The following ZNF627 variants were observed in gnomAD, a reference collection of about 807,000 sequenced individuals.
ZNF627 encodes the protein zinc finger protein 627.
A neutral mutation model predicts 10.6 loss-of-function variants in ZNF627; 12 were observed. That is an observed-to-expected ratio of 1.13 (90% CI 0.73 to 1.84). The LOEUF (loss-of-function observed/expected upper bound fraction) is 1.84. Among genes scored for constraint, ZNF627 ranks in the 40% most tolerant of loss-of-function variants. ZNF627 has a pLI of 0.00. For missense variants in ZNF627, 504 were observed against 568.4 expected, an observed-to-expected ratio of 0.89 and a Z score of 1.15; for synonymous variants, 176 against 187.1, an observed-to-expected ratio of 0.94 and a Z score of 0.48.
At chr19:11,607,700 C>A (rs1307071745) in intron 1 of ZNF627, among the ~76,000 whole-genome samples, 1 of 152,164 alleles carries the variant, frequency 6.6e-6, no homozygotes, top group Non-Finnish European at 1.5e-5. Context: ...ACTTTATTGT[C>A]CATATCACTA....
intron 1 of ZNF627, among the ~76,000 whole-genome samples, chr19:11,598,119 G>A (rs1973524420): frequency 6.6e-6 from 1 of 152,190 alleles, no homozygotes; most frequent in African/African-American, 2.4e-5. Context: ...TGACAGTTAT[G>A]CAGTCGCCTT....
chr19:11,599,400 A>G (rs759588651), intron 1 of ZNF627, among the ~76,000 whole-genome samples: 13 of 152,204 alleles, frequency 8.5e-5, no homozygotes, highest in Non-Finnish European at 2.9e-5. Context: ...AAAAACAGAT[A>G]TGATTCTTGC....
chr19:11,606,229 C>T (rs1231877281), intron 1 of ZNF627, among the ~76,000 whole-genome samples: 29 of 151,664 alleles, frequency 1.9e-4, no homozygotes, highest in Non-Finnish European at 2.8e-4. Context: ...CCCAGCTACT[C>T]GGGAGGCTGA....
Position 11,612,823 on chromosome 19 carries a change from A to G in ZNF627, c.4-1704A>G, listed in dbSNP as rs536154858. ...GGGAGTACCTGTGCAAGTTTGTTAC[A>G]TGGGTAAATTGCGTGTTACTGGGGG... On this transcript the variant is annotated intron_variant, in intron 1 of 3. Transcript: ENST00000361113. Among the ~76,000 whole-genome samples the G allele has an allele frequency of 5.4e-4, 81 of 151,052 alleles. 1 individual carries two copies. Among genetic ancestry groups the G allele is most frequent in the African/African-American group, 1.8e-3 (74 of 41,054 alleles).
Position 11,616,722 on chromosome 19 carries a change from T to C in ZNF627, c.219T>C (p.Ser73=). ...ISHIPERLCE[S]KEGGQGEETF... ...ATATTCCAGAGAGACTCTGTGAAAG[T>C]AAAGAAGGTGGTCAAGGTGAAGAAA... The change falls in exon 4 of 4, where the codon AGT becomes AGC. Residue 73 remains serine, a synonymous_variant. Coordinates refer to ENST00000361113, the MANE Select transcript of ZNF627 (RefSeq NM_145295.4). 6.3e-7 allele frequency: 1 copy of C among 1,598,928 alleles called. No individual in the cohort carries two copies. Among genetic ancestry groups the C allele is most frequent in the South Asian group, 1.1e-5 (1 of 89,056 alleles).
At position 11,609,471 on chromosome 19, in the gene ZNF627, TTA is replaced by T. The variant is rs1168205815; in HGVS notation, c.4-5010_4-5009del. Among the ~76,000 whole-genome samples, 419 of 53,804 alleles carry T rather than the reference TTA, an allele frequency of 7.8e-3. 4 individuals carry two copies. The highest frequency in any genetic ancestry group is 0.02 in the South Asian group (19 of 960). 35.3% of individuals were successfully genotyped at this position (53,804 alleles called of 152,430 possible). On this transcript the variant is annotated intron_variant, in intron 1 of 3. Transcript: ENST00000361113. The stretch of plus-strand genomic sequence containing the variant: ...TTCCTGGGTAGTCTTTTAAAAAATT[TTA>T]TATATATATATATATATATATATAT...
intron 1 of ZNF627, among the ~76,000 whole-genome samples, chr19:11,607,730 T>C (rs1025085982): frequency 1.3e-5 from 2 of 152,202 alleles, no homozygotes; most frequent in Non-Finnish European, 2.9e-5. Context: ...TGGTCAGAGC[T>C]ATCCAAGGAG....
At chr19:11,613,312 G>T (rs1349159432) in intron 1 of ZNF627, among the ~76,000 whole-genome samples, 2 of 144,960 alleles carry the variant, frequency 1.4e-5, no homozygotes, top group Non-Finnish European at 3.0e-5. Flanking sequence ...TCCCTGGCCT[G>T]AAGGTGGTAT....
chr19:11,606,115 G>A (rs1973669443), intron 1 of ZNF627, among the ~76,000 whole-genome samples: 1 of 152,114 alleles, frequency 6.6e-6, no homozygotes, highest in South Asian at 2.1e-4. Context: ...GCCGAGGCAA[G>A]CGGATCATGA....
chr19:11,617,638 C>T lies in ZNF627; in HGVS notation c.1135C>T (p.Arg379Ter), dbSNP rs772391960. ...AGCCTTCAGTTGTTCCAGTTCGTTT[C>T]GAAAACATGAAAGAATTCACACTGG... Reference protein sequence around the residue: ...GKAFSCSSSFRKHERIHTGEK... With the variant: ...GKAFSCSSSF The change falls in exon 4 of 4, where the codon CGA becomes TGA. Residue 379 changes from arginine to a stop codon, truncating the protein, a stop_gained. Transcript: ENST00000361113. LOFTEE classifies it low-confidence loss of function (END_TRUNC). The T allele has an allele frequency of 1.2e-5, 19 of 1,613,296 alleles. No individual in the cohort carries two copies. In the East Asian group the frequency reaches 1.8e-4, roughly 15 times the overall value.
At chr19:11,603,033 A>G (rs1973613791) in intron 1 of ZNF627, among the ~76,000 whole-genome samples, 1 of 152,182 alleles carries the variant, frequency 6.6e-6, no homozygotes, top group Non-Finnish European at 1.5e-5. Flanking sequence ...TCTATTTATC[A>G]TTAGGCTGAA....
chr19:11,613,747 G>T (rs973867834), intron 1 of ZNF627, among the ~76,000 whole-genome samples: 4 of 152,032 alleles, frequency 2.6e-5, no homozygotes, highest in Non-Finnish European at 5.9e-5. Context: ...TGCTATGGGA[G>T]TCTGTTCTAG....
At chr19:11,613,745 G>T (rs1370159386) in intron 1 of ZNF627, among the ~76,000 whole-genome samples, 1 of 151,940 alleles carries the variant, frequency 6.6e-6, no homozygotes, top group Non-Finnish European at 1.5e-5. Flanking sequence ...TTTGCTATGG[G>T]AGTCTGTTCT....
rs1973612956 is a variant in ZNF627 at position 11,602,983 on chromosome 19, G to A, written c.3+5353G>A. ...TCCCGTCTGTACCCACAGGTGACCA[G>A]GTCCTCATTTTTAAAAGGTGGTTCT... On this transcript the variant is annotated intron_variant, in intron 1 of 3. Coordinates refer to ENST00000361113, the MANE Select transcript of ZNF627 (RefSeq NM_145295.4). Among the ~76,000 whole-genome samples, 5 of 152,218 alleles carry A rather than the reference G, an allele frequency of 3.3e-5. No homozygotes were observed. The South Asian group carries it at 1.0e-3, about 32-fold the overall frequency.
chr19:11,611,610 A>G (rs1973772971), intron 1 of ZNF627, among the ~76,000 whole-genome samples: 1 of 152,236 alleles, frequency 6.6e-6, no homozygotes, highest in Non-Finnish European at 1.5e-5. Context: ...ACAGAGTTAA[A>G]AGATCCAGTT....
At chr19:11,601,383 A>G (rs1317807376) in intron 1 of ZNF627, among the ~76,000 whole-genome samples, 1 of 152,048 alleles carries the variant, frequency 6.6e-6, no homozygotes, top group African/African-American at 2.4e-5. Context: ...TCTGTCTCCT[A>G]GGCTGGAGTG....
intron 1 of ZNF627, among the ~76,000 whole-genome samples, chr19:11,606,788 C>T (rs547494395): frequency 1.3e-5 from 2 of 152,332 alleles, no homozygotes; most frequent in Admixed American, 6.5e-5. Context: ...GTCTTCTGTG[C>T]ACCCACAGGA....
chr19:11,607,023 T>C (rs1232202881), intron 1 of ZNF627, among the ~76,000 whole-genome samples: 1 of 152,188 alleles, frequency 6.6e-6, no homozygotes, highest in Non-Finnish European at 1.5e-5. Context: ...TGAAGGTCTG[T>C]GATGTGTCCT....
rs771812968 is a variant in ZNF627, at chr19:11,616,940, G to T, written c.437G>T (p.Arg146Leu). The T allele has an allele frequency of 1.2e-6, 2 of 1,614,036 alleles. No homozygotes were observed. The highest frequency in any genetic ancestry group is 2.7e-5 in the African/African-American group (2 of 74,926). Residue 146 changes from arginine (R) to leucine (L), a missense_variant, in exon 4 of 4, where the codon CGA becomes CTA. Coordinates refer to ENST00000361113, the MANE Select transcript of ZNF627 (RefSeq NM_145295.4). ...TCATATACACGTAACCAGTGTGGAC[G>T]AGCCTTGAGTTATCATCGCTCTTTT... is the stretch of plus-strand genomic sequence containing the variant. The part of the protein sequence containing the change: ...KKSYTRNQCG[R>L]ALSYHRSFPV...
Sources: allele counts gnomAD v4.1 joint callset (sites outside exome capture counted in the v4.1 genomes callset), GRCh38; gene constraint gnomAD v4.1.1; transcripts MANE v1.5; gene names NCBI Gene and HGNC (gene_info 2026-07-23, HGNC 2026-07-21).